Variants in PRORP observed in about 807,000 individuals in gnomAD.
PRORP encodes mitochondrial ribonuclease P catalytic subunit.
Under a neutral mutation model 59.4 loss-of-function variants are expected in PRORP, and 51 were observed. The ratio of observed to expected loss-of-function variants is 0.86; its 90% CI spans 0.69 to 1.08. The LOEUF (loss-of-function observed/expected upper bound fraction) is 1.08. Ranked by LOEUF, PRORP falls within the 50% of genes least tolerant of loss-of-function variation. PRORP has a pLI of 0.00. For missense variants in PRORP, 646 were observed against 690.3 expected (o/e 0.94, Z 0.72); for synonymous variants, 231 against 245.6 (o/e 0.94, Z 0.55).
intron 5 of PRORP, among the ~76,000 whole-genome samples, chr14:35,190,406 A>T (rs200701517): frequency 1.9e-5 from 1 of 53,470 alleles, no homozygotes; most frequent in African/African-American, 5.2e-5. Flanking sequence ...CTCAAAAAGG[A>T]AAAAAAAAAA....
At chr14:35,258,823 G>A (rs7140912) in intron 5 of PRORP, among the ~76,000 whole-genome samples, 16,214 of 152,102 alleles carry the variant, frequency 0.11, 922 homozygotes, top group Middle Eastern at 0.16. Flanking sequence ...GTATCCTTCC[G>A]GTATTATCAC....
chr14:35,141,403 G>A (rs1047778573), intron 4 of PRORP, among the ~76,000 whole-genome samples: 2 of 143,964 alleles, frequency 1.4e-5, no homozygotes, highest in African/African-American at 4.9e-5. Context: ...TAGGATTCAG[G>A]TGTGTACCAT....
chr14:35,193,401 C>T (rs2048932296), intron 5 of PRORP, among the ~76,000 whole-genome samples: 1 of 152,152 alleles, frequency 6.6e-6, no homozygotes, highest in African/African-American at 2.4e-5. Flanking sequence ...TGATTGCCAT[C>T]TGTTAGTTGG....
intron 5 of PRORP, among the ~76,000 whole-genome samples, chr14:35,264,300 G>A (rs560094363): frequency 1.3e-5 from 2 of 151,948 alleles, no homozygotes; most frequent in East Asian, 1.9e-4. Flanking sequence ...GCTAATTTTT[G>A]TATTTTTAGT....
chr14:35,205,429 A>G (rs372202498), intron 5 of PRORP, among the ~76,000 whole-genome samples: 4 of 152,258 alleles, frequency 2.6e-5, no homozygotes, highest in Admixed American at 6.5e-5. Flanking sequence ...ACCTCAGGCA[A>G]TCTGTCCACC....
chr14:35,227,972 A>C (rs544048770), intron 5 of PRORP, among the ~76,000 whole-genome samples: 1 of 152,032 alleles, frequency 6.6e-6, no homozygotes, highest in African/African-American at 2.4e-5. Flanking sequence ...GTGAAATCCC[A>C]TCTTTACTAA....
At chr14:35,195,768 A>G (rs1280693189) in intron 5 of PRORP, among the ~76,000 whole-genome samples, 1 of 152,100 alleles carries the variant, frequency 6.6e-6, no homozygotes, top group Non-Finnish European at 1.5e-5. Context: ...TTTTAACTAT[A>G]TATGTGAAAC....
chr14:35,158,076 C>G (rs944970489), intron 4 of PRORP: 1 of 261,028 alleles, frequency 3.8e-6, no homozygotes, highest in African/African-American at 2.3e-5. Flanking sequence ...TGGAGCTCAA[C>G]TTCAGAGTCC....
At chr14:35,239,640 A>G (rs2050310851) in intron 5 of PRORP, among the ~76,000 whole-genome samples, 1 of 152,230 alleles carries the variant, frequency 6.6e-6, no homozygotes, top group Non-Finnish European at 1.5e-5. Context: ...TACATGACAC[A>G]TTGTTTCTTT....
chr14:35,148,387 AT>A (rs1444867735), intron 4 of PRORP, among the ~76,000 whole-genome samples: 1 of 152,206 alleles, frequency 6.6e-6, no homozygotes, highest in African/African-American at 2.4e-5. Flanking sequence ...GACTAAGTGC[AT>A]TGTCACTGAG....
At chr14:35,257,579 ATCGATCTATTCATCT>A (rs749407068) in intron 5 of PRORP, among the ~76,000 whole-genome samples, 6 of 152,206 alleles carry the variant, frequency 3.9e-5, no homozygotes, top group Non-Finnish European at 8.8e-5. Context: ...ACCACATTTT[ATCGATCTATTCATCT>A]TCCAGAAATT....
At chr14:35,152,839 C>T (rs1029115703) in intron 4 of PRORP, among the ~76,000 whole-genome samples, 6 of 150,720 alleles carry the variant, frequency 4.0e-5, no homozygotes, top group Admixed American at 2.0e-4. Context: ...GGTGGGCGGC[C>T]GGACAGAGAC....
chr14:35,220,279 A>G (rs1165928651), intron 5 of PRORP, among the ~76,000 whole-genome samples: 2 of 152,214 alleles, frequency 1.3e-5, no homozygotes, highest in Admixed American at 1.3e-4. Flanking sequence ...TCGTCATTTT[A>G]TGTCAATATA....
chr14:35,255,486 G>A (rs1036505235), intron 5 of PRORP, among the ~76,000 whole-genome samples: 14 of 151,368 alleles, frequency 9.2e-5, no homozygotes, highest in African/African-American at 3.2e-4. Context: ...GTGACTTACA[G>A]AGGAGGTTCT....
At chr14:35,147,241 A>C (rs2047634336) in intron 4 of PRORP, among the ~76,000 whole-genome samples, 1 of 152,234 alleles carries the variant, frequency 6.6e-6, no homozygotes, top group Admixed American at 6.5e-5. Context: ...CTGAGCCTTC[A>C]GCAAGTTGTA....
intron 5 of PRORP, among the ~76,000 whole-genome samples, chr14:35,240,659 A>AT (rs1188377607): frequency 6.6e-6 from 1 of 152,186 alleles, no homozygotes; most frequent in Non-Finnish European, 1.5e-5. Flanking sequence ...TGTTCTTAAA[A>AT]TTTAATATCT....
intron 5 of PRORP, among the ~76,000 whole-genome samples, chr14:35,229,600 C>CTATA (rs1555330317): frequency 6.6e-6 from 1 of 152,132 alleles, no homozygotes; most frequent in Non-Finnish European, 1.5e-5. Context: ...AGATGTTGGC[C>CTATA]TATAGTATGC....
At chr14:35,153,979 C>T (rs1029916495) in intron 4 of PRORP, among the ~76,000 whole-genome samples, 2 of 152,164 alleles carry the variant, frequency 1.3e-5, no homozygotes, top group Non-Finnish European at 2.9e-5. Context: ...ACTAACTTAA[C>T]ATATATCTTT....
chr14:35,136,909 T>G (rs971920426), intron 4 of PRORP, among the ~76,000 whole-genome samples: 1 of 145,624 alleles, frequency 6.9e-6, no homozygotes, highest in African/African-American at 2.4e-5. Flanking sequence ...GTTTCATATA[T>G]TAGATAGAAC....
Sources: allele counts gnomAD v4.1 joint callset (sites outside exome capture counted in the v4.1 genomes callset), GRCh38; gene constraint gnomAD v4.1.1; transcripts MANE v1.5; gene names NCBI Gene and HGNC (gene_info 2026-07-23, HGNC 2026-07-21).